The following TLL2 variants were observed in gnomAD, a reference collection of about 807,000 sequenced individuals.
TLL2 encodes tolloid like 2.
A neutral mutation model predicts 123.0 loss-of-function variants in TLL2; 106 were observed. That is an observed-to-expected ratio of 0.86 (90% CI 0.74 to 1.01). The LOEUF is 1.01. Among genes scored for constraint, TLL2 ranks in the 50% least tolerant of loss-of-function variants. The pLI, the probability that TLL2 is intolerant of heterozygous loss-of-function variation, is 0.00. For synonymous variants in TLL2, 494 were observed against 516.8 expected (o/e 0.96, Z 0.60); for missense variants, 1,332 against 1,336.7 (o/e 1.00, Z 0.06).
rs10615764 is a variant in TLL2, at chr10:96,477,032, CTTTTTTTTTTTTT to C, written c.286+3304_286+3316del. Among the ~76,000 whole-genome samples, 24 of 110,814 alleles carry C rather than the reference CTTTTTTTTTTTTT, an allele frequency of 2.2e-4. 1 individual carries two copies. The highest frequency in any genetic ancestry group is 1.6e-3 in the South Asian group (5 of 3,062). 72.7% of individuals were successfully genotyped at this position (110,814 alleles called of 152,430 possible). Reference sequence around the variant, plus strand: ...CTTTATACAATTATGAGCTACTGGACTTTTTTTTTTTTTTTTTTTTTTACAACAAGCAGCATTA... The same window carrying C: ...CTTTATACAATTATGAGCTACTGGACTTTTTTTTTACAACAAGCAGCATTA... On this transcript the variant is annotated intron_variant, in intron 2 of 20. Transcript: ENST00000357947.
chr10:96,430,607 G>A (rs1846728279), intron 4 of TLL2, among the ~76,000 whole-genome samples: 1 of 152,250 alleles, frequency 6.6e-6, no homozygotes, highest in South Asian at 2.1e-4. Context: ...TGGGCATGGT[G>A]ATTCATGTCT....
rs182458601 is a variant in TLL2 at position 96,475,292 on chromosome 10, C to T, written c.286+5057G>A. 5.9e-5 allele frequency among the ~76,000 whole-genome samples: 9 copies of T among 152,304 alleles called. No individual in the cohort carries two copies. The East Asian group carries it at 1.7e-3, about 29-fold the overall frequency. ...AAAGCTGTCAGTGGCTTTTTGTGGA[C>T]ACTGCAGTGCACTAAGTGGGCTCTT... On this transcript the variant is annotated intron_variant, in intron 2 of 20. Transcript: ENST00000357947.
intron 2 of TLL2, among the ~76,000 whole-genome samples, chr10:96,456,451 A>C (rs1164927236): frequency 7.2e-5 from 11 of 152,192 alleles, no homozygotes; most frequent in Non-Finnish European, 1.0e-4. Context: ...ATGAGGCCTG[A>C]GTCCACAGAG....
At chr10:96,441,021 C>G (rs1360610327) in intron 3 of TLL2, among the ~76,000 whole-genome samples, 1 of 151,968 alleles carries the variant, frequency 6.6e-6, no homozygotes, top group South Asian at 2.1e-4. Flanking sequence ...GGATTTAACA[C>G]GCTGGGGGTA....
chr10:96,407,311 G>A (rs566529208), intron 9 of TLL2, among the ~76,000 whole-genome samples: 4 of 152,032 alleles, frequency 2.6e-5, no homozygotes, highest in Non-Finnish European at 5.9e-5. Context: ...TGATGAACAC[G>A]ATTGATCTTT....
intron 11 of TLL2, 56 bp downstream of exon 11, chr10:96,397,130 G>T: frequency 1.3e-6 from 2 of 1,492,940 alleles, no homozygotes; most frequent in Non-Finnish European, 1.8e-6. Context: ...TGGGCTGCCT[G>T]GGAAGGACAG....
At chr10:96,508,403 AC>A (rs1847596846) in intron 1 of TLL2, among the ~76,000 whole-genome samples, 1 of 152,150 alleles carries the variant, frequency 6.6e-6, no homozygotes, top group South Asian at 2.1e-4. Context: ...GAGGTGAAAC[AC>A]CAAATTCCAG....
intron 5 of TLL2, 29 bp from the exon 6 acceptor site, chr10:96,422,756 G>C: frequency 1.2e-6 from 2 of 1,613,390 alleles, no homozygotes; most frequent in Non-Finnish European, 1.7e-6. Flanking sequence ...ACCCAGGTCA[G>C]CAGGTCAGAA....
intron 10 of TLL2, among the ~76,000 whole-genome samples, chr10:96,399,211 C>A (rs1270699427): frequency 6.6e-6 from 1 of 152,162 alleles, no homozygotes; most frequent in Non-Finnish European, 1.5e-5. Flanking sequence ...TGACACAACT[C>A]TGAGCATGCT....
chr10:96,493,608 G>A (rs969679991), intron 1 of TLL2, among the ~76,000 whole-genome samples: 3 of 152,120 alleles, frequency 2.0e-5, no homozygotes, highest in African/African-American at 7.2e-5. Context: ...AAAAAGGGAG[G>A]CTGAGAATTG....
chr10:96,370,395 AC>A (rs1846070831), intron 19 of TLL2, 80 bp from the exon 20 acceptor site: 1 of 1,477,682 alleles, frequency 6.8e-7, no homozygotes, highest in African/African-American at 1.4e-5. Flanking sequence ...GGCTTTCTCT[AC>A]AGAGCCTGGT....
Position 96,373,661 on chromosome 10 carries a change from A to G in TLL2, c.2597T>C (p.Met866Thr). 1.9e-6 allele frequency: 3 copies of G among 1,614,230 alleles called. No individual in the cohort carries two copies. The highest frequency in any genetic ancestry group is 2.5e-6 in the Non-Finnish European group (3 of 1,180,054). The change falls in exon 19 of 21, where the codon ATG (methionine) becomes ACG (threonine). Residue 866 changes from methionine (M) to threonine (T), a missense_variant. Physicochemically the swap from Met to Thr is moderately conservative, Grantham distance 81 (BLOSUM62 -1). Coordinates refer to ENST00000357947, the MANE Select transcript of TLL2 (RefSeq NM_012465.4). ...GGCATCCGAATAAAACCTGAGAAAC[A>G]TACTGCTGCCGGAAGCCACCGTGGG... ...PDPTVASGSS[M>T]FLRFYSDASV...
intron 2 of TLL2, among the ~76,000 whole-genome samples, 173 bp from the exon 3 acceptor site, chr10:96,446,341 G>C (rs1263649456): frequency 6.6e-6 from 1 of 152,190 alleles, no homozygotes; most frequent in Non-Finnish European, 1.5e-5. Flanking sequence ...CACTATTCTA[G>C]ATGTGAGGGC....
chr10:96,473,510 G>C (rs1272768546), intron 2 of TLL2, among the ~76,000 whole-genome samples: 1 of 152,192 alleles, frequency 6.6e-6, no homozygotes, highest in East Asian at 1.9e-4. Flanking sequence ...ACATGTCTCA[G>C]AGTCTCTCCT....
rs556376532 is a variant in TLL2, at chr10:96,445,137, T to C, written c.364+954A>G. On this transcript the variant is annotated intron_variant, in intron 3 of 20. Coordinates refer to ENST00000357947, the MANE Select transcript of TLL2 (RefSeq NM_012465.4). ...CCAGGAGGCGGAGCTTGCAGTGAGC[T>C]GAGATCGCACCACTGCACTCCAGCC... 6.0e-4 allele frequency among the ~76,000 whole-genome samples: 91 copies of C among 152,054 alleles called. 1 individual carries two copies. Among genetic ancestry groups the C allele is most frequent in the South Asian group, 5.4e-3 (26 of 4,798 alleles).
intron 16 of TLL2, among the ~76,000 whole-genome samples, chr10:96,380,774 C>CTTTGG (rs1370651875): frequency 6.8e-6 from 1 of 147,232 alleles, no homozygotes; most frequent in Non-Finnish European, 1.5e-5. Flanking sequence ...AATCCCAGCA[C>CTTTGG]TTTGGGAGGC....
At chr10:96,470,940 GA>G (rs1847175299) in intron 2 of TLL2, among the ~76,000 whole-genome samples, 1 of 152,150 alleles carries the variant, frequency 6.6e-6, no homozygotes, top group Non-Finnish European at 1.5e-5. Flanking sequence ...TCCATTCTCA[GA>G]TCCCTCTCTG....
At chr10:96,459,792 AAC>A (rs1336862649) in intron 2 of TLL2, among the ~76,000 whole-genome samples, 3 of 145,064 alleles carry the variant, frequency 2.1e-5, no homozygotes, top group East Asian at 4.1e-4. Flanking sequence ...TATATATAAA[AAC>A]ACACTCTCTG....
chr10:96,426,774 T>C, intron 5 of TLL2, among the ~76,000 whole-genome samples: 1 of 152,150 alleles, frequency 6.6e-6, no homozygotes, highest in Non-Finnish European at 1.5e-5. Flanking sequence ...TCAATTAAAC[T>C]AACAAGTGGT....
Sources: allele counts gnomAD v4.1 joint callset (sites outside exome capture counted in the v4.1 genomes callset), GRCh38; gene constraint gnomAD v4.1.1; transcripts MANE v1.5; gene names NCBI Gene and HGNC (gene_info 2026-07-23, HGNC 2026-07-21).